C12orf42: variants seen among roughly 807,000 people sequenced by gnomAD.
C12orf42 encodes the protein chromosome 12 open reading frame 42.
C12orf42 carries 25 observed loss-of-function variants against 21.6 expected under a neutral mutation model. The observed-to-expected ratio is 1.16, with a 90% CI of 0.84 to 1.62. C12orf42 has a LOEUF of 1.62. Among genes scored for constraint, C12orf42 ranks in the 40% most tolerant of loss-of-function variants. C12orf42 has a pLI of 0.00. For missense variants in C12orf42, 483 were observed against 459.3 expected (o/e 1.05, Z -0.47); for synonymous variants, 174 against 175.0 (o/e 0.99, Z 0.05).
At chr12:103,153,499 TAGAAAA>T in the C12orf42 span, among the ~76,000 whole-genome samples, 1 of 152,130 alleles carries the variant, frequency 6.6e-6, no homozygotes, top group African/African-American at 2.4e-5. Context: ...GCATTCCCAA[TAGAAAA>T]AGAAACTGAA....
intron 5 of C12orf42, among the ~76,000 whole-genome samples, chr12:103,270,950 A>T (rs1373287036): frequency 6.6e-6 from 1 of 152,152 alleles, no homozygotes; most frequent in East Asian, 1.9e-4. Context: ...ACAGTTTCCC[A>T]AAACAAGGTA....
chr12:103,191,450 G>A, the C12orf42 span, among the ~76,000 whole-genome samples: 2,887 of 134,632 alleles, frequency 0.021, 35 homozygotes, highest in East Asian at 0.033. Context: ...GCTCATGCCT[G>A]TAATCCCAAT....
At chr12:103,259,803 T>C (rs1354974254) in intron 10 of C12orf42, among the ~76,000 whole-genome samples, 1 of 152,210 alleles carries the variant, frequency 6.6e-6, no homozygotes, top group Non-Finnish European at 1.5e-5. Context: ...GACTTTCTCA[T>C]GCTCCGGACA....
At chr12:103,194,350 G>C in the C12orf42 span, among the ~76,000 whole-genome samples, 1 of 151,930 alleles carries the variant, frequency 6.6e-6, no homozygotes, top group African/African-American at 2.4e-5. Flanking sequence ...GAAATAAAAG[G>C]CATCCAAATT....
the C12orf42 span, among the ~76,000 whole-genome samples, chr12:103,516,782 T>C: frequency 6.6e-6 from 1 of 152,140 alleles, no homozygotes; most frequent in Non-Finnish European, 1.5e-5. Flanking sequence ...CTTAAATGTC[T>C]GAAGAAAAAC....
chr12:103,162,187 A>G, the C12orf42 span, among the ~76,000 whole-genome samples: 3 of 152,184 alleles, frequency 2.0e-5, no homozygotes, highest in Non-Finnish European at 2.9e-5. Flanking sequence ...CTTGAGAGTG[A>G]ATTGGCATAA....
chr12:103,295,115 G>A (rs1400832647), intron 4 of C12orf42, among the ~76,000 whole-genome samples: 1 of 152,082 alleles, frequency 6.6e-6, no homozygotes, highest in African/African-American at 2.4e-5. Flanking sequence ...CTTTTTTATG[G>A]CTATGTATTA....
Position 103,307,884 on chromosome 12 carries a change from C to T in C12orf42, c.260-1539G>A, listed in dbSNP as rs79825290. 9.8e-3 allele frequency among the ~76,000 whole-genome samples: 1,487 copies of T among 152,150 alleles called. 14 individuals are homozygous for T. The highest frequency in any genetic ancestry group is 0.034 in the African/African-American group (1,416 of 41,506). On this transcript the variant is annotated intron_variant, in intron 4 of 5. Coordinates refer to ENST00000548883, the MANE Select transcript of C12orf42 (RefSeq NM_198521.5). ...GATGAAAAGATGCAAGATTCATTTGCCTTTATCTTATTACCCAAGCCAATT... is the reference window on the plus strand; with the variant it reads ...GATGAAAAGATGCAAGATTCATTTGTCTTTATCTTATTACCCAAGCCAATT...
chr12:103,162,506 GGTGTGTGTGTGTGT>G, the C12orf42 span, among the ~76,000 whole-genome samples: 7 of 147,528 alleles, frequency 4.7e-5, no homozygotes, highest in Non-Finnish European at 3.0e-5. Flanking sequence ...CCAACAAGCT[GGTGTGTGTGTGTGT>G]GTGTGTGTGT....
the C12orf42 span, among the ~76,000 whole-genome samples, chr12:103,520,374 G>T: frequency 6.6e-6 from 1 of 152,042 alleles, no homozygotes; most frequent in South Asian, 2.1e-4. Flanking sequence ...ACTCCTCCCA[G>T]AATATCTATT....
At chr12:103,226,795 C>A in the C12orf42 span, among the ~76,000 whole-genome samples, 3 of 151,976 alleles carry the variant, frequency 2.0e-5, no homozygotes, top group African/African-American at 4.8e-5. Flanking sequence ...AAAGACTCAA[C>A]GACGCTTGTG....
the C12orf42 span, among the ~76,000 whole-genome samples, chr12:103,212,285 C>T: frequency 6.6e-6 from 1 of 152,118 alleles, no homozygotes; most frequent in Non-Finnish European, 1.5e-5. Context: ...CTCCTTTTCA[C>T]AGTTTGTTTA....
chr12:103,481,984 G>T (rs1341601612), intron 1 of C12orf42, among the ~76,000 whole-genome samples: 1 of 151,782 alleles, frequency 6.6e-6, no homozygotes, highest in Non-Finnish European at 1.5e-5. Context: ...ATAAAACAAG[G>T]TTCTTTAACA....
the C12orf42 span, among the ~76,000 whole-genome samples, chr12:103,158,358 A>G: frequency 6.6e-6 from 1 of 152,174 alleles, no homozygotes; most frequent in Non-Finnish European, 1.5e-5. Flanking sequence ...ACTGAAATAT[A>G]CCACGAAGAT....
At chr12:103,390,125 C>A (rs143942225) in intron 3 of C12orf42, among the ~76,000 whole-genome samples, 1 of 152,212 alleles carries the variant, frequency 6.6e-6, no homozygotes, top group Non-Finnish European at 1.5e-5. Context: ...GATTTTTATT[C>A]CTCTGTATGT....
At chr12:103,315,596 T>C (rs1170774703) in intron 4 of C12orf42, among the ~76,000 whole-genome samples, 4 of 152,058 alleles carry the variant, frequency 2.6e-5, no homozygotes, top group Admixed American at 2.0e-4. Flanking sequence ...TACATAATTG[T>C]AATACATGAA....
At chr12:103,062,308 G>A in the C12orf42 span, among the ~76,000 whole-genome samples, 28 of 151,400 alleles carry the variant, frequency 1.8e-4, no homozygotes, top group African/African-American at 6.8e-4. Flanking sequence ...GACTTGATTA[G>A]CATTTTTAAA....
intron 3 of C12orf42, among the ~76,000 whole-genome samples, chr12:103,391,678 T>C (rs1035207913): frequency 1.3e-5 from 2 of 151,054 alleles, no homozygotes; most frequent in Non-Finnish European, 3.0e-5. Context: ...ATATCATATA[T>C]ACTAATCACA....
chr12:103,305,044 T>A (rs917772919), intron 5 of C12orf42, among the ~76,000 whole-genome samples: 1 of 152,068 alleles, frequency 6.6e-6, no homozygotes, highest in South Asian at 2.1e-4. Flanking sequence ...AAGAAAAAAA[T>A]TGTCTTGTTT....
Sources: allele counts gnomAD v4.1 joint callset (sites outside exome capture counted in the v4.1 genomes callset), GRCh38; gene constraint gnomAD v4.1.1; transcripts MANE v1.5; gene names NCBI Gene and HGNC (gene_info 2026-07-23, HGNC 2026-07-21).